SDCCAG8: variants seen among roughly 807,000 people sequenced by gnomAD.
SDCCAG8 encodes the protein serologically defined colon cancer antigen 8.
Under a neutral mutation model 101.8 loss-of-function variants are expected in SDCCAG8, and 74 were observed. The ratio of observed to expected loss-of-function variants is 0.73; its 90% CI spans 0.60 to 0.88. The LOEUF is 0.88. Ranked by LOEUF, SDCCAG8 falls within the 40% of genes least tolerant of loss-of-function variation. The probability of loss-of-function intolerance (pLI) is 0.00; values close to 1 mark genes in which losing one functional copy is unlikely to be tolerated. For synonymous variants in SDCCAG8, 281 were observed against 292.9 expected (o/e 0.96, Z 0.41); for missense variants, 787 against 822.6 (o/e 0.96, Z 0.53).
intron 4 of SDCCAG8, among the ~76,000 whole-genome samples, chr1:243,282,669 T>A (rs763027693): frequency 2.0e-5 from 3 of 152,228 alleles, no homozygotes; most frequent in Non-Finnish European, 4.4e-5. Context: ...TGAAGGTTAA[T>A]CTTGCTGAAT....
At chr1:243,317,023 T>G (rs1256518688) in intron 9 of SDCCAG8, 130 bp downstream of exon 9, 17 of 959,402 alleles carry the variant, frequency 1.8e-5, no homozygotes, top group Admixed American at 2.6e-5. Flanking sequence ...ATCAATCTGT[T>G]AATGTTGACT....
intron 13 of SDCCAG8, among the ~76,000 whole-genome samples, chr1:243,394,525 T>C (rs1247706657): frequency 1.3e-5 from 2 of 152,172 alleles, no homozygotes; most frequent in African/African-American, 4.8e-5. Flanking sequence ...GAAAAATGAA[T>C]ATCCTCTGTC....
intron 12 of SDCCAG8, among the ~76,000 whole-genome samples, chr1:243,364,636 A>G (rs2076893554): frequency 6.6e-6 from 1 of 152,184 alleles, no homozygotes; most frequent in Non-Finnish European, 1.5e-5. Context: ...TCCTTTTCTC[A>G]GTTGTTTGAA....
chr1:243,263,282 G>A (rs2067328168), intron 1 of SDCCAG8, among the ~76,000 whole-genome samples: 1 of 152,184 alleles, frequency 6.6e-6, no homozygotes, highest in Non-Finnish European at 1.5e-5. Flanking sequence ...CTGGTAGGCA[G>A]AAGCCAGGGA....
chr1:243,278,609 G>A (rs10158767), intron 4 of SDCCAG8, among the ~76,000 whole-genome samples: 8,001 of 152,184 alleles, frequency 0.053, 690 homozygotes, highest in African/African-American at 0.18. Context: ...AATTGACTTT[G>A]TATATTGACC....
chr1:243,380,637 T>C (rs985165535), intron 13 of SDCCAG8, among the ~76,000 whole-genome samples: 4 of 152,138 alleles, frequency 2.6e-5, no homozygotes, highest in African/African-American at 9.7e-5. Context: ...GGTAACTAAT[T>C]CCTTTGTTCT....
At chr1:243,477,891 C>T (rs1441341803) in intron 16 of SDCCAG8, among the ~76,000 whole-genome samples, 1 of 152,220 alleles carries the variant, frequency 6.6e-6, no homozygotes, top group Non-Finnish European at 1.5e-5. Flanking sequence ...GGTCCTCAAA[C>T]TGTTACTGGT....
intron 16 of SDCCAG8, among the ~76,000 whole-genome samples, chr1:243,455,042 CTACTT>C (rs2083640983): frequency 6.6e-6 from 1 of 152,108 alleles, no homozygotes; most frequent in Non-Finnish European, 1.5e-5. Context: ...ATTATATACA[CTACTT>C]ATGATTAAAA....
At chr1:243,437,012 T>C (rs558236500) in intron 16 of SDCCAG8, among the ~76,000 whole-genome samples, 1 of 152,342 alleles carries the variant, frequency 6.6e-6, no homozygotes, top group Non-Finnish European at 1.5e-5. Context: ...TAAACCTCTT[T>C]CAGTCAATTC....
chr1:243,452,910 C>T (rs2148132789), intron 16 of SDCCAG8, among the ~76,000 whole-genome samples: 1 of 152,324 alleles, frequency 6.6e-6, no homozygotes, highest in Non-Finnish European at 1.5e-5. Context: ...CGTTGAAGAA[C>T]TGAGTGACTC....
intron 17 of SDCCAG8, among the ~76,000 whole-genome samples, chr1:243,498,780 A>G (rs376923339): frequency 6.6e-6 from 1 of 152,224 alleles, no homozygotes; most frequent in African/African-American, 2.4e-5. Flanking sequence ...TCCAGCTTGG[A>G]AAATCCTCAC....
chr1:243,422,972 A>G (rs1255362080), intron 15 of SDCCAG8, among the ~76,000 whole-genome samples: 2 of 152,200 alleles, frequency 1.3e-5, no homozygotes, highest in African/African-American at 2.4e-5. Context: ...CCAGAAATGT[A>G]TCTCCTAACT....
At position 243,266,854 on chromosome 1, in the gene SDCCAG8, A is replaced by T. The variant is rs572918376; in HGVS notation, c.68-3251A>T. On this transcript the variant is annotated intron_variant, in intron 1 of 17. Transcript: ENST00000366541. Reference sequence around the variant, plus strand: ...GCCACTCAGGAGGCTGAGGAAGGAGAACCATCTGAACCCTGGAGGCAGAGC... The same window carrying T: ...GCCACTCAGGAGGCTGAGGAAGGAGTACCATCTGAACCCTGGAGGCAGAGC... 4.3e-4 allele frequency among the ~76,000 whole-genome samples: 64 copies of T among 149,646 alleles called. 2 individuals are homozygous for T. The South Asian group carries it at 0.013, about 31-fold the overall frequency.
At chr1:243,344,187 A>G in intron 11 of SDCCAG8, 28 bp from the exon 12 acceptor site, 1 of 1,570,700 alleles carries the variant, frequency 6.4e-7, no homozygotes, top group Non-Finnish European at 8.8e-7. Flanking sequence ...TCCAGCAGGT[A>G]ATCATCCAGT....
At chr1:243,395,252 C>T (rs1029377100) in intron 13 of SDCCAG8, among the ~76,000 whole-genome samples, 1 of 152,128 alleles carries the variant, frequency 6.6e-6, no homozygotes, top group African/African-American at 2.4e-5. Context: ...ATTAAACTAG[C>T]ATCTTGCAAA....
At chr1:243,389,743 T>G (rs994558490) in intron 13 of SDCCAG8, among the ~76,000 whole-genome samples, 1 of 152,244 alleles carries the variant, frequency 6.6e-6, no homozygotes, top group African/African-American at 2.4e-5. Context: ...GAAAAAACAG[T>G]CCTTTATAGA....
At chr1:243,418,178 A>G (rs913973030) in intron 15 of SDCCAG8, 102 bp downstream of exon 15, 1 of 801,154 alleles carries the variant, frequency 1.2e-6, no homozygotes, top group African/African-American at 1.7e-5. Flanking sequence ...CTAATGTCAA[A>G]ATTAGGTATC....
At chr1:243,345,977 G>A (rs2075680536) in intron 12 of SDCCAG8, among the ~76,000 whole-genome samples, 1 of 152,174 alleles carries the variant, frequency 6.6e-6, no homozygotes, top group Non-Finnish European at 1.5e-5. Context: ...TTTTTAGGAG[G>A]TCACAGCTTT....
In SDCCAG8 at chr1:243,269,953, C is replaced by G. The variant is rs993912995; in HGVS notation, c.68-152C>G. ...TAATCTTCTCTCACCATCTTTGGCA[C>G]ATCCCTCAGCAAGCTAGAAACAGAA... On this transcript the variant is annotated intron_variant, in intron 1 of 17. Transcript: ENST00000366541. 1.5e-5 allele frequency: 15 copies of G among 1,024,996 alleles called. No individual in the cohort carries two copies. The South Asian group carries it at 2.1e-4, about 14-fold the overall frequency. The allele number at this position is 1,024,996 out of a possible 1,614,324, so 63.5% of individuals were successfully genotyped here. A position where few individuals can be genotyped will look rare whatever the true frequency, so the allele number is the denominator to read the frequency against.
Sources: allele counts gnomAD v4.1 joint callset (sites outside exome capture counted in the v4.1 genomes callset), GRCh38; gene constraint gnomAD v4.1.1; transcripts MANE v1.5; gene names NCBI Gene and HGNC (gene_info 2026-07-23, HGNC 2026-07-21).